Variants in RFTN1 observed in about 807,000 individuals in gnomAD.
RFTN1 encodes raftlin.
Under a neutral mutation model 46.5 loss-of-function variants are expected in RFTN1, and 26 were observed. The ratio of observed to expected loss-of-function variants is 0.56; its 90% CI spans 0.41 to 0.78. The LOEUF (loss-of-function observed/expected upper bound fraction) is 0.78. RFTN1 is among the 30% of genes least tolerant of loss of function. RFTN1 has a pLI of 0.00. For missense variants in RFTN1, 693 were observed against 718.7 expected (o/e 0.96, Z 0.41); for synonymous variants, 261 against 284.2 (o/e 0.92, Z 0.82).
At position 16,381,131 on chromosome 3, in the gene RFTN1, AAAGTC is replaced by A. The variant is rs775439850; in HGVS notation, c.442-3034_442-3030del. 1.2e-4 allele frequency among the ~76,000 whole-genome samples: 19 copies of A among 152,218 alleles called. No homozygotes were observed. Among genetic ancestry groups the A allele is most frequent in the East Asian group, 5.8e-4 (3 of 5,198 alleles). On this transcript the variant is annotated intron_variant, in intron 4 of 9. Coordinates refer to ENST00000334133, the MANE Select transcript of RFTN1 (RefSeq NM_015150.2). The surrounding 1 kb of genome is among the most constrained non-coding windows in gnomAD (Gnocchi z 4.2). ...AATTAATGCTTGAAATGACATATAA[AAAGTC>A]AAGATTCTAAACTTCATACACTTTA...
At chr3:16,372,049 G>C (rs527888971) in intron 5 of RFTN1, among the ~76,000 whole-genome samples, 1 of 152,268 alleles carries the variant, frequency 6.6e-6, no homozygotes, top group East Asian at 1.9e-4. Flanking sequence ...GCTACCGAGG[G>C]CAAGAGGATA....
intron 2 of RFTN1, among the ~76,000 whole-genome samples, chr3:16,436,078 A>G (rs1358147258): frequency 5.0e-5 from 4 of 80,212 alleles, no homozygotes; most frequent in South Asian, 5.5e-4. Context: ...TTCTCAGTGG[A>G]AAAAAAAAGA....
intron 6 of RFTN1, among the ~76,000 whole-genome samples, chr3:16,364,999 TAC>T (rs1352206440): frequency 2.0e-5 from 3 of 152,250 alleles, no homozygotes; most frequent in Admixed American, 6.5e-5. Flanking sequence ...CTATGATCTG[TAC>T]AGTTTTTTAC....
Position 16,444,116 on chromosome 3 carries a change from C to T in RFTN1, c.146-10079G>A, listed in dbSNP as rs185473222. Among the ~76,000 whole-genome samples, 830 of 152,242 alleles carry T rather than the reference C, an allele frequency of 5.5e-3. 6 individuals are homozygous for T. Among genetic ancestry groups the T allele is most frequent in the African/African-American group, 0.019 (776 of 41,534 alleles). On this transcript the variant is annotated intron_variant, in intron 2 of 9. Coordinates refer to ENST00000334133, the MANE Select transcript of RFTN1 (RefSeq NM_015150.2). ...ATCACCAATTATTCAGAATCGGTAA[C>T]GAAACTCATCCATACCAAATCCAAG...
intron 2 of RFTN1, among the ~76,000 whole-genome samples, chr3:16,492,770 T>C (rs1362717872): frequency 1.3e-5 from 2 of 152,230 alleles, no homozygotes; most frequent in Admixed American, 6.5e-5. Context: ...TCTTTTATTC[T>C]TTTCATTTGT....
rs959887207 is a variant in RFTN1 at position 16,344,993 on chromosome 3, T to C, written c.1146+12939A>G. ...TTTTAAGCTCTTTTAGGGGGCCACA[T>C]GGAAAGCATAAGAAATGGGGGCAGC... is the stretch of plus-strand genomic sequence containing the variant. On this transcript the variant is annotated intron_variant, in intron 7 of 9. Coordinates refer to ENST00000334133, the MANE Select transcript of RFTN1 (RefSeq NM_015150.2). This position sits in a 1 kb window ranked among gnomAD's most constrained non-coding sequence, Gnocchi z 4.4. 3 of 152,152 alleles carry C rather than the reference T, an allele frequency of 2.0e-5. No individual in the cohort carries two copies. Among genetic ancestry groups the C allele is most frequent in the African/African-American group, 7.2e-5 (3 of 41,418 alleles). The allele number at this position is 152,152 out of a possible 1,614,324, so 9.4% of individuals were successfully genotyped here.
rs1240454954 is a variant in RFTN1, at chr3:16,465,217, A to G, written c.145+28508T>C. Among the ~76,000 whole-genome samples, 4 of 149,950 alleles carry G rather than the reference A, an allele frequency of 2.7e-5. No homozygotes were observed. Among genetic ancestry groups the G allele is most frequent in the Non-Finnish European group, 6.0e-5 (4 of 67,064 alleles). On this transcript the variant is annotated intron_variant, in intron 2 of 9. Coordinates refer to ENST00000334133, the MANE Select transcript of RFTN1 (RefSeq NM_015150.2). This position sits in a 1 kb window ranked among gnomAD's most constrained non-coding sequence, Gnocchi z 5.1. The stretch of plus-strand genomic sequence containing the variant: ...GCAACTATTCAAGGATGCCACTTCA[A>G]GGTAAAAAAAAAAAAAGCCTTAGTA...
rs1437037286 is a variant in RFTN1, at chr3:16,460,000, T to G, written c.146-25963A>C. On this transcript the variant is annotated intron_variant, in intron 2 of 9. Coordinates refer to ENST00000334133, the MANE Select transcript of RFTN1 (RefSeq NM_015150.2). The surrounding 1 kb of genome is among the most constrained non-coding windows in gnomAD (Gnocchi z 4.2). ...TTTTTGAGAACATGAATTTTCCATATGATTGACTTATTTCAATGCTTTGAG... is the reference window on the plus strand; with the variant it reads ...TTTTTGAGAACATGAATTTTCCATAGGATTGACTTATTTCAATGCTTTGAG... 2.0e-5 allele frequency among the ~76,000 whole-genome samples: 3 copies of G among 152,214 alleles called. No individual in the cohort carries two copies. The highest frequency in any genetic ancestry group is 2.9e-5 in the Non-Finnish European group (2 of 68,036).
intron 7 of RFTN1, 56 bp downstream of exon 7, chr3:16,357,876 G>A (rs866329331): frequency 2.4e-5 from 26 of 1,089,790 alleles, no homozygotes; most frequent in African/African-American, 3.1e-5. Context: ...TCAAGCAGGC[G>A]GATAAAACAA....
At chr3:16,431,105 T>C (rs1186433495) in intron 3 of RFTN1, among the ~76,000 whole-genome samples, 1 of 152,220 alleles carries the variant, frequency 6.6e-6, no homozygotes, top group Non-Finnish European at 1.5e-5. Flanking sequence ...GCAGCTAGAA[T>C]ACGGAGGCCG....
chr3:16,402,719 T>C lies in RFTN1; in HGVS notation c.441+6656A>G, dbSNP rs1425240034. Among the ~76,000 whole-genome samples the C allele has an allele frequency of 6.6e-6, 1 of 152,182 alleles. No homozygotes were observed. Among genetic ancestry groups the C allele is most frequent in the Non-Finnish European group, 1.5e-5 (1 of 68,036 alleles). On this transcript the variant is annotated intron_variant, in intron 4 of 9. Coordinates refer to ENST00000334133, the MANE Select transcript of RFTN1 (RefSeq NM_015150.2). This position sits in a 1 kb window ranked among gnomAD's most constrained non-coding sequence, Gnocchi z 4.5. The stretch of plus-strand genomic sequence containing the variant: ...TCATTAAAAGAAGCCATTGAGATTT[T>C]TCCATCTGTCAAGGTGCTTTCTTTA...
At chr3:16,503,147 C>T (rs1358711455) in intron 1 of RFTN1, among the ~76,000 whole-genome samples, 1 of 152,164 alleles carries the variant, frequency 6.6e-6, no homozygotes, top group Non-Finnish European at 1.5e-5. Flanking sequence ...GGGGTCTGAA[C>T]CTGAGTCCAT....
intron 2 of RFTN1, among the ~76,000 whole-genome samples, chr3:16,478,544 C>T (rs898541437): frequency 6.6e-6 from 1 of 152,212 alleles, no homozygotes; most frequent in Non-Finnish European, 1.5e-5. Context: ...TACCACAAAA[C>T]AGTGGCTTAA....
intron 5 of RFTN1, 87 bp downstream of exon 5, chr3:16,377,631 C>A: frequency 6.6e-7 from 1 of 1,506,904 alleles, no homozygotes. Context: ...AATTCCATTC[C>A]TTTTTCTCTG....
intron 1 of RFTN1, among the ~76,000 whole-genome samples, chr3:16,497,770 A>T (rs2076648325): frequency 1.3e-5 from 2 of 152,184 alleles, no homozygotes; most frequent in Non-Finnish European, 2.9e-5. Context: ...TTAAATGACA[A>T]ATATCTCCAT....
chr3:16,357,851 A>G, intron 7 of RFTN1, 81 bp downstream of exon 7: 1 of 861,670 alleles, frequency 1.2e-6, no homozygotes, highest in Non-Finnish European at 1.9e-6. Flanking sequence ...GCTGAGCCAC[A>G]GCCCCACGGT....
intron 7 of RFTN1, among the ~76,000 whole-genome samples, chr3:16,355,486 G>A (rs1208345920): frequency 1.3e-5 from 2 of 152,204 alleles, no homozygotes; most frequent in Non-Finnish European, 2.9e-5. Context: ...AAAGGTGGAA[G>A]GCCAAAAAAG....
Position 16,351,192 on chromosome 3 carries a change from A to C in RFTN1, c.1146+6740T>G, listed in dbSNP as rs540969585. Among the ~76,000 whole-genome samples, 1 of 152,338 alleles carries C rather than the reference A, an allele frequency of 6.6e-6. No individual in the cohort carries two copies. Among genetic ancestry groups the C allele is most frequent in the East Asian group, 1.9e-4 (1 of 5,180 alleles). ...GAAGATGGAACAACAGGGCCACCTG[A>C]ATCCACTGCAGAATGGTTTGGGTTA... is the stretch of plus-strand genomic sequence containing the variant. On this transcript the variant is annotated intron_variant, in intron 7 of 9. Coordinates refer to ENST00000334133, the MANE Select transcript of RFTN1 (RefSeq NM_015150.2). The surrounding 1 kb of genome is among the most constrained non-coding windows in gnomAD (Gnocchi z 5.4).
intron 3 of RFTN1, among the ~76,000 whole-genome samples, chr3:16,419,478 G>A (rs865782065): frequency 1.3e-5 from 2 of 152,154 alleles, no homozygotes; most frequent in African/African-American, 4.8e-5. Flanking sequence ...CGAAGGGAGT[G>A]GGTGGACGGA....
Sources: gnomAD v4.1 joint callset for allele counts (sites outside exome capture counted in the v4.1 genomes callset) on GRCh38, gnomAD v4.1.1 for gene constraint, Gnocchi (gnomAD v3.1) non-coding constraint, MANE v1.5 for transcripts, NCBI Gene and HGNC (gene_info 2026-07-23, HGNC 2026-07-21) for gene names.